The following HSF1 variants were observed in gnomAD, a reference collection of about 807,000 sequenced individuals.
HSF1 encodes the protein heat shock transcription factor 1, also known as heat shock factor protein 1.
HSF1 carries 32 observed loss-of-function variants against 51.7 expected under a neutral mutation model. That is an observed-to-expected ratio of 0.62 (90% CI 0.47 to 0.83). The LOEUF (loss-of-function observed/expected upper bound fraction) is 0.83. Among genes scored for constraint, HSF1 ranks in the 40% least tolerant of loss-of-function variants. The pLI, the probability that HSF1 is intolerant of heterozygous loss-of-function variation, is 0.00. For missense variants in HSF1, 727 were observed against 717.0 expected (o/e 1.01, Z -0.16); for synonymous variants, 396 against 309.7 (o/e 1.28, Z -2.92).
intron 9 of HSF1, chr8:144,312,516 G>A (rs1438824511): frequency 1.0e-6 from 1 of 999,718 alleles, no homozygotes; most frequent in Non-Finnish European, 1.5e-6. Flanking sequence ...ACAGGCCACG[G>A]GCCCTGGCAG....
chr8:144,311,007 T>TGGCCCC lies in HSF1; in HGVS notation c.489-166_489-161dup, dbSNP rs1816603658. On this transcript the variant is annotated intron_variant, in intron 4 of 12. Transcript: ENST00000528838. ...CAGTGGGACCAGCAAGCCCTGGCCCTGGCCCCCAGTCCCTCCACACACAAG... is the reference window on the plus strand; with the variant it reads ...CAGTGGGACCAGCAAGCCCTGGCCCTGGCCCCGGCCCCCAGTCCCTCCACACACAAG... The TGGCCCC allele has an allele frequency of 6.2e-6, 4 of 647,028 alleles. No homozygotes were observed. In the African/African-American group the frequency reaches 7.3e-5, roughly 12 times the overall value. 40.1% of individuals were successfully genotyped at this position (647,028 alleles called of 1,614,324 possible).
chr8:144,292,965 G>C (rs1182703831), intron 1 of HSF1, among the ~76,000 whole-genome samples: 1 of 151,706 alleles, frequency 6.6e-6, no homozygotes, highest in Non-Finnish European at 1.5e-5. Flanking sequence ...AGAAAAAAAA[G>C]AAAAAAAAGA....
intron 1 of HSF1, among the ~76,000 whole-genome samples, chr8:144,298,556 G>A (rs1190086392): frequency 4.0e-5 from 6 of 150,230 alleles, no homozygotes; most frequent in Non-Finnish European, 7.4e-5. Flanking sequence ...AGTGAGCCGA[G>A]ATTGCGCCGC....
intron 1 of HSF1, among the ~76,000 whole-genome samples, chr8:144,296,012 C>T (rs1009221628): frequency 6.6e-6 from 1 of 152,098 alleles, no homozygotes; most frequent in Admixed American, 6.6e-5. Flanking sequence ...TGTGCTGAAA[C>T]CCTGGGGCTC....
intron 1 of HSF1, among the ~76,000 whole-genome samples, 155 bp from the exon 2 acceptor site, chr8:144,308,751 G>A (rs1409728733): frequency 3.9e-5 from 6 of 152,180 alleles, no homozygotes; most frequent in East Asian, 3.9e-4. Context: ...GAACGAACTC[G>A]CCTCCCGCCA....
At chr8:144,306,897 T>C (rs782247893) in intron 1 of HSF1, among the ~76,000 whole-genome samples, 7 of 152,120 alleles carry the variant, frequency 4.6e-5, no homozygotes, top group Non-Finnish European at 7.4e-5. Context: ...GGCCAGTGAG[T>C]CTCCCGTCTT....
chr8:144,293,703 GCTGGGA>G (rs1254673777), intron 1 of HSF1: 8 of 151,838 alleles, frequency 5.3e-5, no homozygotes, highest in Non-Finnish European at 1.2e-4. Context: ...CTCCCAAAGT[GCTGGGA>G]TTACTGGTGT....
intron 1 of HSF1, among the ~76,000 whole-genome samples, chr8:144,300,742 A>C (rs1554842133): frequency 6.6e-6 from 1 of 152,208 alleles, no homozygotes; most frequent in Non-Finnish European, 1.5e-5. Flanking sequence ...AACTGGATGG[A>C]TTTTGGATGA....
chr8:144,298,175 G>A (rs987323091), intron 1 of HSF1, among the ~76,000 whole-genome samples: 1 of 152,146 alleles, frequency 6.6e-6, no homozygotes, highest in East Asian at 1.9e-4. Flanking sequence ...GAGAGACACT[G>A]GGTTCTCTGA....
chr8:144,306,902 C>T (rs1816259694), intron 1 of HSF1, among the ~76,000 whole-genome samples: 1 of 152,116 alleles, frequency 6.6e-6, no homozygotes, highest in Admixed American at 6.5e-5. Context: ...GTGAGTCTCC[C>T]GTCTTTTCCG....
chr8:144,294,999 C>G (rs1248240676), intron 1 of HSF1, among the ~76,000 whole-genome samples: 2 of 152,226 alleles, frequency 1.3e-5, no homozygotes, highest in East Asian at 3.8e-4. Flanking sequence ...CCACTGAGAC[C>G]CAAAGACGGG....
chr8:144,309,237 G>A, intron 2 of HSF1: 1 of 675,252 alleles, frequency 1.5e-6, no homozygotes, highest in South Asian at 1.9e-5. Flanking sequence ...CGTGAAGCCG[G>A]AGCTGTACTC....
At chr8:144,300,212 CTTTTTTT>C (rs1176636210) in intron 1 of HSF1, among the ~76,000 whole-genome samples, 5 of 87,770 alleles carry the variant, frequency 5.7e-5, no homozygotes, top group Admixed American at 3.2e-4. Flanking sequence ...GTTGTGTACT[CTTTTTTT>C]TTTTTTTTTT....
intron 6 of HSF1, 42 bp from the exon 7 acceptor site, chr8:144,311,463 C>A (rs1463852570): frequency 5.0e-6 from 8 of 1,612,722 alleles, no homozygotes; most frequent in African/African-American, 1.3e-5. Flanking sequence ...CCCGGGTACC[C>A]CGAGGTGGGG....
Position 144,311,489 on chromosome 8 carries a change from G to A in HSF1, c.627-16G>A. 2 of 1,613,010 alleles carry A rather than the reference G, an allele frequency of 1.2e-6. No homozygotes were observed. Among genetic ancestry groups the A allele is most frequent in the Non-Finnish European group, 1.7e-6 (2 of 1,179,578 alleles). On this transcript the variant is annotated splice_polypyrimidine_tract_variant and intron_variant, in intron 6 of 12. Coordinates refer to ENST00000528838, the MANE Select transcript of HSF1 (RefSeq NM_005526.4). ...CGAGGTGGGGGGTGGTGGCTGACCT[G>A]CACCCTTCCCCACAGCCCCCTGATG...
intron 1 of HSF1, among the ~76,000 whole-genome samples, chr8:144,301,262 T>C (rs1815849207): frequency 6.6e-6 from 1 of 151,730 alleles, no homozygotes; most frequent in Non-Finnish European, 1.5e-5. Flanking sequence ...CTATAAATAA[T>C]ACAAAAATTA....
chr8:144,304,874 A>G (rs190500396), intron 1 of HSF1, among the ~76,000 whole-genome samples: 1 of 150,840 alleles, frequency 6.6e-6, no homozygotes, highest in East Asian at 2.0e-4. Context: ...CCTGACCTCA[A>G]ACGATCCACA....
chr8:144,310,028 C>T (rs941948876), intron 4 of HSF1, 132 bp downstream of exon 4: 10 of 1,120,596 alleles, frequency 8.9e-6, no homozygotes, highest in Middle Eastern at 3.0e-4. Flanking sequence ...GCACATCTAC[C>T]CTGGGCCTCT....
chr8:144,313,433 G>T, intron 9 of HSF1, 78 bp from the exon 10 acceptor site: 2 of 943,818 alleles, frequency 2.1e-6, no homozygotes, highest in Non-Finnish European at 1.7e-6. Context: ...ACAGTCAAGG[G>T]GAGCCCTTCT....
Sources: gnomAD v4.1 joint callset for allele counts (sites outside exome capture counted in the v4.1 genomes callset) on GRCh38, gnomAD v4.1.1 for gene constraint, MANE v1.5 for transcripts, NCBI Gene and HGNC (gene_info 2026-07-23, HGNC 2026-07-21) for gene names.